Variants in GTF3C1 observed in about 807,000 individuals in gnomAD.
GTF3C1 encodes the protein general transcription factor 3C polypeptide 1.
GTF3C1 carries 57 observed loss-of-function variants against 226.7 expected under a neutral mutation model. The observed-to-expected ratio is 0.25, with a 90% CI of 0.20 to 0.31. GTF3C1 has a LOEUF of 0.31. Ranked by LOEUF, GTF3C1 falls within the 10% of genes least tolerant of loss-of-function variation. The probability of loss-of-function intolerance (pLI) is 1.00; values close to 1 mark genes in which losing one functional copy is unlikely to be tolerated. For synonymous variants in GTF3C1, 1,090 were observed against 1,084.8 expected (o/e 1.00, Z -0.09); for missense variants, 2,217 against 2,776.1 (o/e 0.80, Z 4.53).
At chr16:27,545,238 A>G in intron 2 of GTF3C1, 76 bp downstream of exon 2, 1 of 1,047,362 alleles carries the variant, frequency 9.5e-7, no homozygotes, top group Non-Finnish European at 1.5e-6. Context: ...CGGCCTCTTA[A>G]AGTGCTGGGA....
chr16:27,514,790 G>A (rs2088631800), intron 6 of GTF3C1, among the ~76,000 whole-genome samples: 1 of 152,216 alleles, frequency 6.6e-6, no homozygotes, highest in Non-Finnish European at 1.5e-5. Context: ...CTTTGCTAGT[G>A]AGAAGGTGGC....
intron 5 of GTF3C1, 83 bp downstream of exon 5, chr16:27,533,208 A>G (rs754385130): frequency 2.3e-5 from 16 of 700,282 alleles, no homozygotes; most frequent in Non-Finnish European, 4.2e-5. Flanking sequence ...TTGGGTTGCA[A>G]TTCATTCCTC....
At chr16:27,488,671 G>A in intron 21 of GTF3C1, 36 bp from the exon 22 acceptor site, 1 of 1,536,728 alleles carries the variant, frequency 6.5e-7, no homozygotes, top group East Asian at 2.2e-5. Context: ...TGAAGCATGA[G>A]CTTCCACAAA....
At chr16:27,505,048 A>T (rs1186066051) in intron 10 of GTF3C1, among the ~76,000 whole-genome samples, 1 of 152,156 alleles carries the variant, frequency 6.6e-6, no homozygotes, top group Non-Finnish European at 1.5e-5. Flanking sequence ...AGTGTTTCCA[A>T]AATACAGGGG....
intron 6 of GTF3C1, among the ~76,000 whole-genome samples, chr16:27,515,471 A>C (rs1259658882): frequency 6.6e-6 from 1 of 151,230 alleles, no homozygotes; most frequent in Admixed American, 6.6e-5. Flanking sequence ...ACAACAAAAA[A>C]AAAAAACAAA....
At position 27,492,553 on chromosome 16, in the gene GTF3C1, G is replaced by A; in HGVS notation, c.2974-38C>T. 6.4e-7 allele frequency: 1 copy of A among 1,568,204 alleles called. No individual in the cohort carries two copies. Among genetic ancestry groups the A allele is most frequent in the Non-Finnish European group, 8.8e-7 (1 of 1,138,174 alleles). ...ACCAGACAGGGAGAACCCACATTGGGTCTGGCTGCTTGGAGACCGTTTAAC... is the reference window on the plus strand; with the variant it reads ...ACCAGACAGGGAGAACCCACATTGGATCTGGCTGCTTGGAGACCGTTTAAC... On this transcript the variant is annotated intron_variant, in intron 18 of 36. Transcript: ENST00000356183. The surrounding 1 kb of genome is among the most constrained non-coding windows in gnomAD (Gnocchi z 5.0).
chr16:27,471,496 G>T lies in GTF3C1; in HGVS notation c.4526+252C>A, dbSNP rs756656282. 1 of 476,666 alleles carries T rather than the reference G, an allele frequency of 2.1e-6. No homozygotes were observed. The highest frequency in any genetic ancestry group is 3.8e-6 in the Non-Finnish European group (1 of 264,726). 29.5% of individuals were successfully genotyped at this position (476,666 alleles called of 1,614,324 possible). ...GCAAACTGATTTCACTCCATCTGAC[G>T]AGAGAAACGGAAACAAACCACCTGC... On this transcript the variant is annotated intron_variant, in intron 30 of 36. Transcript: ENST00000356183. The surrounding 1 kb of genome is among the most constrained non-coding windows in gnomAD (Gnocchi z 5.0).
At chr16:27,526,236 C>T (rs1020861975) in intron 6 of GTF3C1, among the ~76,000 whole-genome samples, 3 of 152,188 alleles carry the variant, frequency 2.0e-5, no homozygotes, top group African/African-American at 7.2e-5. Context: ...GTTCTAGGAG[C>T]CCACGTTCCC....
At chr16:27,503,121 C>A in intron 10 of GTF3C1, 126 bp from the exon 11 acceptor site, 1 of 655,582 alleles carries the variant, frequency 1.5e-6, no homozygotes. Context: ...GAAGGGAAGC[C>A]AAGAAGCCTG....
At chr16:27,493,170 C>G (rs1298734590) in intron 17 of GTF3C1, 29 bp downstream of exon 17, 2 of 1,212,054 alleles carry the variant, frequency 1.7e-6, no homozygotes, top group Non-Finnish European at 2.5e-6. Flanking sequence ...GGACCTGCGA[C>G]TACTCTGGGT....
At chr16:27,466,405 A>G (rs1470438098) in intron 32 of GTF3C1, 1 of 152,362 alleles carries the variant, frequency 6.6e-6, no homozygotes, top group African/African-American at 2.4e-5. Flanking sequence ...CCATGCCCAC[A>G]TAAGACAGCA....
intron 6 of GTF3C1, among the ~76,000 whole-genome samples, chr16:27,523,643 C>G (rs908526335): frequency 3.9e-5 from 6 of 152,152 alleles, no homozygotes; most frequent in Non-Finnish European, 5.9e-5. Context: ...AGCACCTACT[C>G]TGTTCCAAGC....
rs1596627913 is a variant in GTF3C1 at position 27,489,054 on chromosome 16, G to T, written c.3418C>A (p.Gln1140Lys). Reference protein sequence around the residue: ...NWIWTSYIINQAKKENTAAEN... With the variant: ...NWIWTSYIINKAKKENTAAEN... ...TGACGCACACCCACCTTTTTGGCCT[G>T]GTTGATGATGTAGCTGGTCCAGATC... The change falls in exon 21 of 37, where the codon CAG becomes AAG. Residue 1140 changes from glutamine (Q) to lysine (K), a missense_variant. Physicochemically the swap from Gln to Lys is moderately conservative, Grantham distance 53. This residue lies in a region of GTF3C1 where 546 missense variants were observed against 663.0 expected (regional missense o/e 0.82). Coordinates refer to ENST00000356183, the MANE Select transcript of GTF3C1 (RefSeq NM_001520.4). 1 of 1,614,036 alleles carries T rather than the reference G, an allele frequency of 6.2e-7. No homozygotes were observed. The highest frequency in any genetic ancestry group is 8.5e-7 in the Non-Finnish European group (1 of 1,179,952).
chr16:27,474,993 G>A (rs963283979), intron 29 of GTF3C1, among the ~76,000 whole-genome samples: 1 of 152,234 alleles, frequency 6.6e-6, no homozygotes, highest in Non-Finnish European at 1.5e-5. Context: ...TCTGGCCATG[G>A]CCGTTAAAGA....
chr16:27,505,873 A>T, intron 10 of GTF3C1, 26 bp downstream of exon 10: 1 of 1,213,360 alleles, frequency 8.2e-7, no homozygotes, highest in Non-Finnish European at 1.2e-6. Flanking sequence ...TCTTGGAGAC[A>T]GCTCCCTCCC....
chr16:27,522,062 A>T (rs2088758234), intron 6 of GTF3C1, among the ~76,000 whole-genome samples: 1 of 152,230 alleles, frequency 6.6e-6, no homozygotes, highest in African/African-American at 2.4e-5. Context: ...TTAATTTGCT[A>T]TACCTTGCTA....
At chr16:27,546,793 T>G (rs2089170903) in intron 1 of GTF3C1, among the ~76,000 whole-genome samples, 1 of 151,788 alleles carries the variant, frequency 6.6e-6, no homozygotes, top group African/African-American at 2.4e-5. Context: ...AAGACTTGAG[T>G]TTTGATCTTG....
chr16:27,535,593 G>GCCA (rs2088988754), intron 4 of GTF3C1, among the ~76,000 whole-genome samples: 1 of 141,448 alleles, frequency 7.1e-6, no homozygotes, highest in Non-Finnish European at 1.5e-5. Flanking sequence ...AAAAAAAAAA[G>GCCA]CCATGTGATG....
rs144027406 is a variant in GTF3C1, at chr16:27,502,859, G to A, written c.1907C>T (p.Thr636Met). Residue 636 changes from threonine to methionine, a missense_variant and splice_region_variant, in exon 11 of 37, where the codon ACG becomes ATG. By Grantham distance (81) the Thr-to-Met change is moderately conservative (BLOSUM62 -1). Transcript: ENST00000356183. ...GACAGACAGACAGACAGCTCCTTAC[G>A]TGAATAAACTCTCGATTAAGCGAAG... ...TNLRLIESLF[T>M]IQKMIMDQEK... The A allele has an allele frequency of 1.5e-5, 24 of 1,567,670 alleles. No individual in the cohort carries two copies. Among genetic ancestry groups the A allele is most frequent in the Non-Finnish European group, 1.6e-5 (19 of 1,154,924 alleles).
Sources: allele counts gnomAD v4.1 joint callset (sites outside exome capture counted in the v4.1 genomes callset), GRCh38; gene constraint gnomAD v4.1.1; regional missense constraint gnomAD v4.1.1; non-coding constraint Gnocchi (gnomAD v3.1); transcripts MANE v1.5; gene names NCBI Gene and HGNC (gene_info 2026-07-23, HGNC 2026-07-21).